The following RORA variants were observed in gnomAD, a reference collection of about 807,000 sequenced individuals.
RORA encodes nuclear receptor ROR-alpha.
A neutral mutation model predicts 69.5 loss-of-function variants in RORA; 7 were observed. The ratio of observed to expected loss-of-function variants is 0.10; its 90% confidence interval spans 0.06 to 0.19. The LOEUF is 0.19. Ranked by LOEUF, RORA falls within the 10% of genes least tolerant of loss-of-function variation. RORA has a pLI of 1.00. For synonymous variants in RORA, 261 were observed against 240.8 expected, an observed-to-expected ratio of 1.08 and a Z score of -0.78; for missense variants, 457 against 663.0, an observed-to-expected ratio of 0.69 and a Z score of 3.41.
chr15:60,602,234 G>T (rs2068832121), intron 2 of RORA, among the ~76,000 whole-genome samples: 1 of 152,170 alleles, frequency 6.6e-6, no homozygotes, highest in Non-Finnish European at 1.5e-5. Context: ...GACACTCAAA[G>T]AGGGCATTTG....
At chr15:60,787,446 T>A (rs2072353297) in intron 1 of RORA, among the ~76,000 whole-genome samples, 1 of 152,208 alleles carries the variant, frequency 6.6e-6, no homozygotes, top group Non-Finnish European at 1.5e-5. Context: ...CCACAACCAG[T>A]CATCTTTTCT....
chr15:60,720,549 G>A (rs1025265939), intron 1 of RORA, among the ~76,000 whole-genome samples: 1 of 152,156 alleles, frequency 6.6e-6, no homozygotes, highest in African/African-American at 2.4e-5. Context: ...CTCAGTATTT[G>A]TGTGTAAATA....
chr15:60,943,349 A>G (rs1320029836), intron 1 of RORA, among the ~76,000 whole-genome samples: 1 of 151,702 alleles, frequency 6.6e-6, no homozygotes, highest in African/African-American at 2.4e-5. Flanking sequence ...AGGAACGTCA[A>G]TTCTGATTCT....
In RORA at chr15:61,217,541, A is replaced by G. The variant is rs117030180; in HGVS notation, c.166+11512T>C. 3.8e-3 allele frequency among the ~76,000 whole-genome samples: 574 copies of G among 152,266 alleles called. 3 individuals are homozygous for G. Among genetic ancestry groups the G allele is most frequent in the South Asian group, 7.7e-3 (37 of 4,820 alleles). ...CAAGTTCAAAACACATTTAGAAGAG[A>G]ACCACCATAAATGCCTGGTCTGAGG... On this transcript the variant is annotated intron_variant, in intron 1 of 10. Transcript: ENST00000335670.
intron 1 of RORA, among the ~76,000 whole-genome samples, chr15:60,850,702 C>T (rs964209592): frequency 6.6e-6 from 1 of 152,150 alleles, no homozygotes; most frequent in African/African-American, 2.4e-5. Flanking sequence ...CATCCATAGT[C>T]ACCTGCCCAT....
chr15:60,754,634 T>C (rs567789378), intron 1 of RORA, among the ~76,000 whole-genome samples: 1 of 152,318 alleles, frequency 6.6e-6, no homozygotes, highest in East Asian at 1.9e-4. Flanking sequence ...TGAGGATACA[T>C]GTCCACAATA....
At chr15:61,139,036 C>T (rs1009491701) in intron 1 of RORA, among the ~76,000 whole-genome samples, 4 of 151,640 alleles carry the variant, frequency 2.6e-5, no homozygotes, top group African/African-American at 7.3e-5. Context: ...CCCAGGTACT[C>T]GGGAGGCTGA....
At chr15:60,747,072 C>T (rs535748961) in intron 1 of RORA, among the ~76,000 whole-genome samples, 2 of 152,234 alleles carry the variant, frequency 1.3e-5, no homozygotes, top group South Asian at 2.1e-4. Context: ...TGTTAGAGAC[C>T]CTCTATTAAA....
chr15:61,093,640 C>T (rs9806779), intron 1 of RORA, among the ~76,000 whole-genome samples: 55,782 of 151,906 alleles, frequency 0.37, 10,537 homozygotes, highest in African/African-American at 0.43. Context: ...ATCTGGACTT[C>T]TATAGAATTG....
At chr15:60,746,203 T>C (rs2071646605) in intron 1 of RORA, among the ~76,000 whole-genome samples, 1 of 152,156 alleles carries the variant, frequency 6.6e-6, no homozygotes, top group Non-Finnish European at 1.5e-5. Flanking sequence ...CACAAATCCA[T>C]ACTCTTGGAA....
At chr15:60,514,375 G>A (rs912640148) in intron 4 of RORA, among the ~76,000 whole-genome samples, 3 of 152,104 alleles carry the variant, frequency 2.0e-5, no homozygotes, top group African/African-American at 7.2e-5. Flanking sequence ...CTGAGCACAA[G>A]ACACTTCTCC....
At chr15:60,873,379 T>G (rs1182872733) in intron 1 of RORA, among the ~76,000 whole-genome samples, 2 of 152,214 alleles carry the variant, frequency 1.3e-5, no homozygotes, top group African/African-American at 4.8e-5. Flanking sequence ...AATGAAGAAA[T>G]GGTCATGCCC....
chr15:61,111,272 C>T (rs111498426), intron 1 of RORA, among the ~76,000 whole-genome samples: 1 of 152,148 alleles, frequency 6.6e-6, no homozygotes, highest in South Asian at 2.1e-4. Flanking sequence ...GGAGGTAGGG[C>T]TGGGTTTTGT....
intron 1 of RORA, among the ~76,000 whole-genome samples, chr15:60,907,283 T>C (rs1425414322): frequency 1.3e-5 from 2 of 152,018 alleles, no homozygotes; most frequent in African/African-American, 4.8e-5. Flanking sequence ...GGGGCAGTCA[T>C]TGGGGATTCA....
intron 1 of RORA, among the ~76,000 whole-genome samples, chr15:61,220,509 T>C (rs750845421): frequency 1.3e-5 from 2 of 152,234 alleles, no homozygotes; most frequent in Non-Finnish European, 2.9e-5. Context: ...TCCCCATGAC[T>C]GGCATCGATC....
intron 1 of RORA, among the ~76,000 whole-genome samples, chr15:60,974,039 C>T (rs529217330): frequency 3.9e-5 from 6 of 152,332 alleles, no homozygotes; most frequent in African/African-American, 1.4e-4. Context: ...TGTTAATTGA[C>T]TTCATTAGTT....
chr15:60,993,049 G>T (rs1566936334), intron 1 of RORA, among the ~76,000 whole-genome samples: 1 of 151,972 alleles, frequency 6.6e-6, no homozygotes, highest in African/African-American at 2.4e-5. Context: ...ATACTTACTT[G>T]TCCTTGGCAT....
At chr15:60,966,356 T>C (rs1893554265) in intron 1 of RORA, among the ~76,000 whole-genome samples, 1 of 152,232 alleles carries the variant, frequency 6.6e-6, no homozygotes, top group Admixed American at 6.5e-5. Flanking sequence ...TAATACTCTC[T>C]AGACATGGCT....
chr15:60,813,950 T>C (rs551666555), intron 1 of RORA, among the ~76,000 whole-genome samples: 2 of 152,220 alleles, frequency 1.3e-5, no homozygotes, highest in Non-Finnish European at 2.9e-5. Context: ...CTTAGTTCCA[T>C]GTTATGGGGG....
Sources: gnomAD v4.1 joint callset for allele counts (sites outside exome capture counted in the v4.1 genomes callset) on GRCh38, gnomAD v4.1.1 for gene constraint, MANE v1.5 for transcripts, NCBI Gene and HGNC (gene_info 2026-07-23, HGNC 2026-07-21) for gene names.